ZNF77: variants seen among roughly 807,000 people sequenced by gnomAD.
ZNF77 encodes zinc finger protein 77.
A neutral mutation model predicts 13.5 loss-of-function variants in ZNF77; 15 were observed. That is an observed-to-expected ratio of 1.11 (90% CI 0.74 to 1.71). The LOEUF is 1.71. Among genes scored for constraint, ZNF77 ranks in the 40% most tolerant of loss-of-function variants. ZNF77 has a pLI of 0.00. For synonymous variants in ZNF77, 282 were observed against 250.0 expected (o/e 1.13, Z -1.21); for missense variants, 717 against 676.4 (o/e 1.06, Z -0.67).
Position 2,944,937 on chromosome 19 carries a change from CG to C in ZNF77, c.-98del. On this transcript the variant is annotated 5_prime_UTR_variant, in exon 1 of 4. Coordinates refer to ENST00000314531, the MANE Select transcript of ZNF77 (RefSeq NM_021217.3). ...GGACACCTGAGCCGCTCGGGGTAGG[CG>C]GGGAAGCGCGCAAGGCAGAGGGGAA... 7.0e-7 allele frequency: 1 copy of C among 1,426,838 alleles called. No individual in the cohort carries two copies. Among genetic ancestry groups the C allele is most frequent in the South Asian group, 1.4e-5 (1 of 72,554 alleles). 88.4% of individuals were successfully genotyped at this position (1,426,838 alleles called of 1,614,324 possible). A position where few individuals can be genotyped will look rare whatever the true frequency, so the allele number is the denominator to read the frequency against.
At position 2,934,220 on chromosome 19, in the gene ZNF77, T is replaced by C. The variant is rs767236655; in HGVS notation, c.907A>G (p.Lys303Glu). 7 of 1,614,060 alleles carry C rather than the reference T, an allele frequency of 4.3e-6. No individual in the cohort carries two copies. The highest frequency in any genetic ancestry group is 5.9e-6 in the Non-Finnish European group (7 of 1,180,042). Residue 303 changes from lysine (K) to glutamate (E), a missense_variant, in exon 4 of 4, where the codon AAA becomes GAA. Transcript: ENST00000314531. ...EKPYECKHCG[K>E]SFSCYSSFRD... The stretch of plus-strand genomic sequence containing the variant: ...AAGGAGGAGTAACAGCTGAATGATT[T>C]TCCACAATGCTTACATTCATACGGT...
At chr19:2,938,305 C>T (rs936577020) in intron 2 of ZNF77, among the ~76,000 whole-genome samples, 2 of 152,188 alleles carry the variant, frequency 1.3e-5, no homozygotes, top group East Asian at 1.9e-4. Context: ...CCCAGACCAC[C>T]GATGATGTCC....
intron 1 of ZNF77, among the ~76,000 whole-genome samples, chr19:2,942,838 G>C (rs1464456055): frequency 6.6e-6 from 1 of 152,084 alleles, no homozygotes; most frequent in Admixed American, 6.6e-5. Context: ...GGAGTGCAGT[G>C]GTGTGATCAT....
At chr19:2,940,655 G>T (rs182945599) in intron 1 of ZNF77, among the ~76,000 whole-genome samples, 2,639 of 140,260 alleles carry the variant, frequency 0.019, 37 homozygotes, top group Non-Finnish European at 0.03. Context: ...TCTAGCAACA[G>T]AGTGAGTCTC....
chr19:2,933,307 A>G lies in ZNF77; in HGVS notation c.*182T>C. 1.7e-6 allele frequency: 1 copy of G among 573,182 alleles called. No individual in the cohort carries two copies. The highest frequency in any genetic ancestry group is 2.9e-6 in the Non-Finnish European group (1 of 347,614). The allele number at this position is 573,182 out of a possible 1,614,324, so 35.5% of individuals were successfully genotyped here. A position where few individuals can be genotyped will look rare whatever the true frequency, so the allele number is the denominator to read the frequency against. On this transcript the variant is annotated 3_prime_UTR_variant, in exon 4 of 4. Transcript: ENST00000314531. Reference sequence around the variant, plus strand: ...ACAAAAGGAATCACTATTAAGGCTGAGGCATGTAAAGGCAATACCATATTA... The same window carrying G: ...ACAAAAGGAATCACTATTAAGGCTGGGGCATGTAAAGGCAATACCATATTA...
At position 2,934,834 on chromosome 19, in the gene ZNF77, A is replaced by G; in HGVS notation, c.312-19T>C. 6.3e-7 allele frequency: 1 copy of G among 1,589,108 alleles called. No individual in the cohort carries two copies. The highest frequency in any genetic ancestry group is 1.7e-4 in the Middle Eastern group (1 of 5,942). Reference sequence around the variant, plus strand: ...CTGACTTCTGTTCAAAATGGGAAGCAAGCTACTAGTCATGAATGACTATAA... The same window carrying G: ...CTGACTTCTGTTCAAAATGGGAAGCGAGCTACTAGTCATGAATGACTATAA... On this transcript the variant is annotated intron_variant, in intron 3 of 3. Transcript: ENST00000314531.
At chr19:2,942,450 G>T (rs1025363614) in intron 1 of ZNF77, among the ~76,000 whole-genome samples, 1 of 142,104 alleles carries the variant, frequency 7.0e-6, no homozygotes, top group Non-Finnish European at 1.5e-5. Flanking sequence ...CCTCAAACTC[G>T]TGGGCTCAAG....
In ZNF77 at chr19:2,936,566, T is replaced by C. The variant is rs1303305216; in HGVS notation, c.269A>G (p.Asp90Gly). Residue 90 changes from aspartate to glycine, a missense_variant, in exon 3 of 4, where the codon GAT (aspartate) becomes GGT (glycine). By Grantham distance (94) the Asp-to-Gly change is moderately conservative (BLOSUM62 -1). Coordinates refer to ENST00000314531, the MANE Select transcript of ZNF77 (RefSeq NM_021217.3). Reference protein sequence around the residue: ...WSIFGENWRFDNTGDQHQIPQ... With the variant: ...WSIFGENWRFGNTGDQHQIPQ... ...GATTTGGTGCTGATCTCCAGTGTTA[T>C]CAAATCTCCAATTTTCTCCAAAAAT... 4 of 1,611,578 alleles carry C rather than the reference T, an allele frequency of 2.5e-6. No homozygotes were observed. The highest frequency in any genetic ancestry group is 1.1e-5 in the South Asian group (1 of 90,198).
At position 2,934,784 on chromosome 19, in the gene ZNF77, C is replaced by T. The variant is rs749074885; in HGVS notation, c.343G>A (p.Glu115Lys). The T allele has an allele frequency of 6.2e-7, 1 of 1,612,332 alleles. No individual in the cohort carries two copies. Among genetic ancestry groups the T allele is most frequent in the South Asian group, 1.1e-5 (1 of 90,968 alleles). Reference sequence around the variant, plus strand: ...AAGGTCTCTCCGCATTGATGACCTTCATTACTTTCACAGAGTCTCCCCAGC... The same window carrying T: ...AAGGTCTCTCCGCATTGATGACCTTTATTACTTTCACAGAGTCTCCCCAGC... Reference protein sequence around the residue: ...SQLGRLCESNEGHQCGETLSQ... With the variant: ...SQLGRLCESNKGHQCGETLSQ... The change falls in exon 4 of 4, where the codon GAA becomes AAA. Residue 115 changes from glutamate to lysine, a missense_variant. Glu to Lys is a moderately conservative substitution (Grantham distance 56). Coordinates refer to ENST00000314531, the MANE Select transcript of ZNF77 (RefSeq NM_021217.3).
At chr19:2,938,695 G>A (rs543711412) in intron 2 of ZNF77, among the ~76,000 whole-genome samples, 15 of 152,274 alleles carry the variant, frequency 9.9e-5, no homozygotes, top group South Asian at 2.1e-4. Context: ...GGTGGCTCAC[G>A]CCTGTAATCC....
Position 2,942,690 on chromosome 19 carries a change from G to A in ZNF77, c.3+2148C>T, listed in dbSNP as rs1057404687. ...GTGAAACCCCGTCCTGCTGTGCTCTGGAATTGGGACAGCCAGGACCCTCCC... is the reference window on the plus strand; with the variant it reads ...GTGAAACCCCGTCCTGCTGTGCTCTAGAATTGGGACAGCCAGGACCCTCCC... On this transcript the variant is annotated intron_variant, in intron 1 of 3. Coordinates refer to ENST00000314531, the MANE Select transcript of ZNF77 (RefSeq NM_021217.3). Among the ~76,000 whole-genome samples, 4 of 152,018 alleles carry A rather than the reference G, an allele frequency of 2.6e-5. No homozygotes were observed. The East Asian group carries it at 7.7e-4, about 29-fold the overall frequency.
At position 2,934,383 on chromosome 19, in the gene ZNF77, G is replaced by A. The variant is rs749825801; in HGVS notation, c.744C>T (p.Thr248=). Residue 248 remains threonine, a synonymous_variant, in exon 4 of 4, where the codon ACC becomes ACT. Transcript: ENST00000314531. ...GTGTAAGGTAGGAGTAATACATAAA[G>A]GTCTTCCCACATACTTTACATGCAT... ...KTHACKVCGK[T]FMYYSYLTRH... is the part of the protein sequence containing the mutation. The A allele has an allele frequency of 1.8e-5, 29 of 1,614,164 alleles. No individual in the cohort carries two copies. Among genetic ancestry groups the A allele is most frequent in the Non-Finnish European group, 2.4e-5 (28 of 1,180,030 alleles).
chr19:2,936,649 C>T lies in ZNF77; in HGVS notation c.186G>A (p.Gly62=), dbSNP rs776248271. 9.3e-6 allele frequency: 15 copies of T among 1,609,850 alleles called. No homozygotes were observed. The highest frequency in any genetic ancestry group is 1.3e-5 in the Non-Finnish European group (15 of 1,178,900). The change falls in exon 3 of 4, where the codon GGG becomes GGA. Residue 62 remains glycine (G), a synonymous_variant. Transcript: ENST00000314531. ...SGSSSQRDVF[G]NGISNDEEIV... is the part of the protein sequence containing the mutation. ...TCTCTTCATCATTGGATATTCCATT[C>T]CCAAAAACGTCCCTCTGAGAACTTG...
chr19:2,936,394 C>T (rs1402839641), intron 3 of ZNF77, 130 bp downstream of exon 3: 4 of 976,090 alleles, frequency 4.1e-6, no homozygotes, highest in Non-Finnish European at 5.7e-6. Context: ...GGTGATCCAC[C>T]CGCCTCGGCC....
At chr19:2,939,973 C>T (rs568854256) in intron 1 of ZNF77, among the ~76,000 whole-genome samples, 74 of 152,040 alleles carry the variant, frequency 4.9e-4, no homozygotes, top group African/African-American at 1.7e-3. Context: ...GAGTGAGACC[C>T]AATCTCAAAA....
At chr19:2,935,356 T>A (rs1599617593) in intron 3 of ZNF77, among the ~76,000 whole-genome samples, 1 of 127,638 alleles carries the variant, frequency 7.8e-6, no homozygotes, top group South Asian at 2.6e-4. Flanking sequence ...TCACTCTTGT[T>A]GCCCAGGCTG....
rs1399459574 is a variant in ZNF77, at chr19:2,937,289, G to C, written c.131-585C>G. ...ACCTGAGGTCAGGAGTTCGAAACCAGCCTGACCAACATGGTTAAACCCCAT... is the reference window on the plus strand; with the variant it reads ...ACCTGAGGTCAGGAGTTCGAAACCACCCTGACCAACATGGTTAAACCCCAT... On this transcript the variant is annotated intron_variant, in intron 2 of 3. Coordinates refer to ENST00000314531, the MANE Select transcript of ZNF77 (RefSeq NM_021217.3). 9.9e-5 allele frequency among the ~76,000 whole-genome samples: 15 copies of C among 152,114 alleles called. 1 individual carries two copies. The highest frequency in any genetic ancestry group is 9.8e-4 in the Admixed American group (15 of 15,248).
intron 3 of ZNF77, 39 bp downstream of exon 3, chr19:2,936,485 C>A: frequency 6.5e-7 from 1 of 1,540,336 alleles, no homozygotes; most frequent in Non-Finnish European, 8.7e-7. Context: ...GTTTGATGCT[C>A]TGCGGAGAGG....
At position 2,937,513 on chromosome 19, in the gene ZNF77, T is replaced by C. The variant is rs573627596; in HGVS notation, c.131-809A>G. ...GTCTCAAAAAAAAAAAAAGAAGAGA[T>C]AAACGTGGCAACCCATTTACTAAGA... On this transcript the variant is annotated intron_variant, in intron 2 of 3. Transcript: ENST00000314531. Among the ~76,000 whole-genome samples, 3 of 150,120 alleles carry C rather than the reference T, an allele frequency of 2.0e-5. No homozygotes were observed. The South Asian group carries it at 6.3e-4, about 32-fold the overall frequency.
Sources: allele counts gnomAD v4.1 joint callset (sites outside exome capture counted in the v4.1 genomes callset), GRCh38; gene constraint gnomAD v4.1.1; transcripts MANE v1.5; gene names NCBI Gene and HGNC (gene_info 2026-07-23, HGNC 2026-07-21).